The following HMGB1 variants were observed in gnomAD, a reference collection of about 807,000 sequenced individuals.
HMGB1 encodes high mobility group box 1, also known as high mobility group protein B1.
For synonymous variants in HMGB1, 81 were observed against 84.0 expected (o/e 0.96, Z 0.19); for missense variants, 79 against 253.5 (o/e 0.31, Z 4.67).
chr13:30,503,422 T>G (rs1198280324), intron 1 of HMGB1, among the ~76,000 whole-genome samples: 2 of 151,638 alleles, frequency 1.3e-5, no homozygotes, highest in Non-Finnish European at 2.9e-5. Context: ...GGCTGACTCC[T>G]TAGTAAGCAC....
At chr13:30,547,933 T>G (rs886726348) in intron 1 of HMGB1, among the ~76,000 whole-genome samples, 1 of 152,090 alleles carries the variant, frequency 6.6e-6, no homozygotes, top group Non-Finnish European at 1.5e-5. Flanking sequence ...AAAAAAGATA[T>G]GGGTTAGTCA....
rs1886111328 is a variant in HMGB1, at chr13:30,458,637, A to C, written c.*2720T>G. The stretch of plus-strand genomic sequence containing the variant: ...AGCCACTGCGCCCGGCCTCTCCTGT[A>C]GTTTTCAACATAGTTAAATCCTACA... On this transcript the variant is annotated 3_prime_UTR_variant, in exon 5 of 5. Transcript: ENST00000341423. 6.6e-6 allele frequency: 1 copy of C among 152,192 alleles called. No homozygotes were observed. The highest frequency in any genetic ancestry group is 6.5e-5 in the Admixed American group (1 of 15,272). 9.4% of individuals were successfully genotyped at this position (152,192 alleles called of 1,614,324 possible).
In HMGB1 at chr13:30,485,039, T is replaced by TC. The variant is rs1455640982; in HGVS notation, c.-14-21346_-14-21345insG. On this transcript the variant is annotated intron_variant, in intron 1 of 4. Transcript: ENST00000405805. ...ACATTTCTTTTTTTCTTTTTCTTTTTTTTTTTTTTTGAGACAGAGTCTCAC... is the reference window on the plus strand; with the variant it reads ...ACATTTCTTTTTTTCTTTTTCTTTTTCTTTTTTTTTTGAGACAGAGTCTCAC... 3.3e-5 allele frequency among the ~76,000 whole-genome samples: 5 copies of TC among 149,602 alleles called. No individual in the cohort carries two copies. The South Asian group carries it at 6.4e-4, about 19-fold the overall frequency.
chr13:30,461,745 A>G (rs1886353705), intron 4 of HMGB1: 1 of 1,288,504 alleles, frequency 7.8e-7, no homozygotes, highest in Non-Finnish European at 1.1e-6. Context: ...AACTCATGAA[A>G]TGGCATAGTC....
intron 1 of HMGB1, among the ~76,000 whole-genome samples, chr13:30,587,278 T>G (rs770443500): frequency 3.4e-4 from 52 of 152,322 alleles, no homozygotes; most frequent in South Asian, 2.3e-3. Context: ...TGGCTAAAAG[T>G]TTACCATCAA....
chr13:30,557,867 T>C (rs1869755966), intron 1 of HMGB1, among the ~76,000 whole-genome samples: 1 of 152,204 alleles, frequency 6.6e-6, no homozygotes, highest in Non-Finnish European at 1.5e-5. Flanking sequence ...GGGCACAGAA[T>C]AGACTTGAAC....
intron 1 of HMGB1, among the ~76,000 whole-genome samples, chr13:30,550,338 CA>C (rs1869366887): frequency 6.6e-6 from 1 of 152,064 alleles, no homozygotes; most frequent in Admixed American, 6.6e-5. Flanking sequence ...GGGTGGCTTT[CA>C]AGGGGCTATC....
In HMGB1 at chr13:30,504,225, C is replaced by G. The variant is rs140631439; in HGVS notation, c.-14-40531G>C. 1.5e-4 allele frequency among the ~76,000 whole-genome samples: 23 copies of G among 152,282 alleles called. No individual in the cohort carries two copies. The South Asian group carries it at 4.4e-3, about 29-fold the overall frequency. On this transcript the variant is annotated intron_variant, in intron 1 of 4. Transcript: ENST00000405805. ...TTAGAAGGCTGGATGTGAATTACCC[C>G]ACCCCAGCCTGTGACAAAAGCTCCA...
intron 1 of HMGB1, among the ~76,000 whole-genome samples, chr13:30,511,062 A>C (rs1887981380): frequency 6.6e-6 from 1 of 152,218 alleles, no homozygotes; most frequent in Admixed American, 6.5e-5. Context: ...CTGAGGTAAT[A>C]CGGCTTTACA....
At chr13:30,591,360 G>A (rs1871362592) in intron 1 of HMGB1, among the ~76,000 whole-genome samples, 1 of 151,990 alleles carries the variant, frequency 6.6e-6, no homozygotes, top group Admixed American at 6.6e-5. Flanking sequence ...AGAGAAGCCT[G>A]TTTAAGGTTT....
At chr13:30,540,090 T>C (rs1254438174) in intron 1 of HMGB1, 1 of 154,184 alleles carries the variant, frequency 6.5e-6, no homozygotes, top group Non-Finnish European at 1.5e-5. Context: ...CCACGTCTAA[T>C]GTGGTGAGAG....
intron 1 of HMGB1, among the ~76,000 whole-genome samples, chr13:30,570,201 C>T (rs376713386): frequency 1.4e-4 from 22 of 152,222 alleles, no homozygotes; most frequent in East Asian, 7.7e-4. Context: ...CCTGTTACTC[C>T]CAGCACTTTG....
rs902408898 is a variant in HMGB1, at chr13:30,611,318, G to A, written c.-15+5353C>T. ...GCTGGGACTACAGGCATGCGCCAAC[G>A]TGCCCAGCTAATTTTTTGTTTTTTT... On this transcript the variant is annotated intron_variant, in intron 1 of 4. Coordinates refer to the HMGB1 transcript ENST00000405805. Among the ~76,000 whole-genome samples, 5 of 152,050 alleles carry A rather than the reference G, an allele frequency of 3.3e-5. No homozygotes were observed. In the East Asian group the frequency reaches 5.8e-4, roughly 18 times the overall value.
intron 1 of HMGB1, among the ~76,000 whole-genome samples, chr13:30,506,556 G>A (rs1464178314): frequency 3.3e-5 from 5 of 152,062 alleles, no homozygotes; most frequent in South Asian, 4.1e-4. Flanking sequence ...TCTGGCCAAC[G>A]TGTCCACCTC....
In HMGB1 at chr13:30,595,186, AT is replaced by A. The variant is rs545115950; in HGVS notation, c.-15+21484del. ...GATCTTTGTTGAAATGTAGTCTCAG[AT>A]AAAAAATTGTATTTTTATTTCTTTT... is the stretch of plus-strand genomic sequence containing the variant. On this transcript the variant is annotated intron_variant, in intron 1 of 4. Transcript: ENST00000405805. Among the ~76,000 whole-genome samples, 720 of 152,314 alleles carry A rather than the reference AT, an allele frequency of 4.7e-3. 6 individuals are homozygous for A. Among genetic ancestry groups the A allele is most frequent in the African/African-American group, 0.015 (642 of 41,558 alleles).
chr13:30,571,236 C>T lies in HMGB1; in HGVS notation c.-15+45435G>A, dbSNP rs143363779. 2.4e-3 allele frequency among the ~76,000 whole-genome samples: 357 copies of T among 149,328 alleles called. 3 individuals carry two copies. Among genetic ancestry groups the T allele is most frequent in the African/African-American group, 8.0e-3 (326 of 40,700 alleles). On this transcript the variant is annotated intron_variant, in intron 1 of 4. Coordinates refer to the HMGB1 transcript ENST00000405805. Reference sequence around the variant, plus strand: ...AGAAACAATGTAGAAAGTTTGACAACTTAAAAAAGTAATATGAGTGTGAGA... The same window carrying T: ...AGAAACAATGTAGAAAGTTTGACAATTTAAAAAAGTAATATGAGTGTGAGA...
intron 1 of HMGB1, among the ~76,000 whole-genome samples, chr13:30,572,427 T>G (rs986987910): frequency 6.6e-6 from 1 of 152,228 alleles, no homozygotes; most frequent in Non-Finnish European, 1.5e-5. Flanking sequence ...TTTCAAAAAT[T>G]AAGTAAAATA....
intron 1 of HMGB1, among the ~76,000 whole-genome samples, chr13:30,611,065 G>C (rs1225371349): frequency 6.6e-6 from 1 of 152,174 alleles, no homozygotes; most frequent in African/African-American, 2.4e-5. Flanking sequence ...AGTCAAAACA[G>C]TTAAGTGATT....
At chr13:30,603,942 T>C (rs941658879) in intron 1 of HMGB1, among the ~76,000 whole-genome samples, 5 of 152,210 alleles carry the variant, frequency 3.3e-5, no homozygotes, top group African/African-American at 1.2e-4. Context: ...GTTGGTTGAA[T>C]CCACAGATGT....
Sources: allele counts gnomAD v4.1 joint callset (sites outside exome capture counted in the v4.1 genomes callset), GRCh38; gene constraint gnomAD v4.1.1; transcripts MANE v1.5; gene names NCBI Gene and HGNC (gene_info 2026-07-23, HGNC 2026-07-21).